The following GOLGA1 variants were observed in gnomAD, a reference collection of about 807,000 sequenced individuals.
GOLGA1 encodes golgin A1.
In GOLGA1, 63 loss-of-function variants were observed where a neutral mutation model predicts 119.7. That is an observed-to-expected ratio of 0.53 (90% confidence interval 0.43 to 0.65). GOLGA1 has a LOEUF of 0.65. Among genes scored for constraint, GOLGA1 ranks in the 30% least tolerant of loss-of-function variants. The pLI is 0.00. For synonymous variants in GOLGA1, 318 were observed against 333.4 expected (o/e 0.95, Z 0.50); for missense variants, 798 against 912.8 (o/e 0.87, Z 1.62).
chr9:124,885,885 G>C (rs1261094167), intron 19 of GOLGA1, among the ~76,000 whole-genome samples: 1 of 152,168 alleles, frequency 6.6e-6, no homozygotes, highest in East Asian at 1.9e-4. Flanking sequence ...AAACCAGTTA[G>C]AAGTCTGATA....
At chr9:124,934,501 G>A (rs1830828833) in intron 3 of GOLGA1, among the ~76,000 whole-genome samples, 1 of 152,162 alleles carries the variant, frequency 6.6e-6, no homozygotes, top group Non-Finnish European at 1.5e-5. Flanking sequence ...AGAGGAAATA[G>A]CATGTGCAAA....
At position 124,911,888 on chromosome 9, in the gene GOLGA1, G is replaced by T; in HGVS notation, c.969+13C>A. 1 of 1,609,710 alleles carries T rather than the reference G, an allele frequency of 6.2e-7. No homozygotes were observed. Among genetic ancestry groups the T allele is most frequent in the South Asian group, 1.1e-5 (1 of 90,656 alleles). ...TTTCCAACACCAGCCAGCCCAAAGA[G>T]AACAGAAGTTACCTCTTTCAGGAGT... On this transcript the variant is annotated intron_variant, in intron 11 of 22. Coordinates refer to ENST00000373555, the MANE Select transcript of GOLGA1 (RefSeq NM_002077.4).
chr9:124,886,582 G>A (rs1214494136), intron 19 of GOLGA1, among the ~76,000 whole-genome samples: 1 of 152,186 alleles, frequency 6.6e-6, no homozygotes, highest in Non-Finnish European at 1.5e-5. Context: ...AGCACGGCAG[G>A]TGAGCAGAGA....
chr9:124,923,980 T>G (rs1416825287), intron 7 of GOLGA1, among the ~76,000 whole-genome samples: 1 of 152,134 alleles, frequency 6.6e-6, no homozygotes, highest in Non-Finnish European at 1.5e-5. Flanking sequence ...CTCAGCTTCC[T>G]GAGTACCTGA....
rs1266809832 is a variant in GOLGA1, at chr9:124,889,314, G to A, written c.1601-11C>T. The stretch of plus-strand genomic sequence containing the variant: ...GGGCAGAGTTGTGACCTAGGTCGGG[G>A]AGGAGGGGAGGGGGCACTGTGAGCC... On this transcript the variant is annotated splice_polypyrimidine_tract_variant and intron_variant, in intron 17 of 22. Coordinates refer to ENST00000373555, the MANE Select transcript of GOLGA1 (RefSeq NM_002077.4). 4 of 1,612,460 alleles carry A rather than the reference G, an allele frequency of 2.5e-6. No individual in the cohort carries two copies. The South Asian group carries it at 4.4e-5, about 18-fold the overall frequency.
At position 124,881,282 on chromosome 9, in the gene GOLGA1, C is replaced by T; in HGVS notation, c.2137-25G>A. 7.0e-7 allele frequency: 1 copy of T among 1,423,274 alleles called. No individual in the cohort carries two copies. The highest frequency in any genetic ancestry group is 9.9e-7 in the Non-Finnish European group (1 of 1,005,582). The allele number at this position is 1,423,274 out of a possible 1,614,324, so 88.2% of individuals were successfully genotyped here. On this transcript the variant is annotated intron_variant, in intron 21 of 22. Coordinates refer to ENST00000373555, the MANE Select transcript of GOLGA1 (RefSeq NM_002077.4). This position sits in a 1 kb window ranked among gnomAD's most constrained non-coding sequence, Gnocchi z 4.9. Reference sequence around the variant, plus strand: ...CCTGAAACACAGTAAGTTTTGCTGCCATAGGCCTTGGTGAAGGTGAGGCGG... The same window carrying T: ...CCTGAAACACAGTAAGTTTTGCTGCTATAGGCCTTGGTGAAGGTGAGGCGG...
At chr9:124,929,015 G>C (rs1336932176) in intron 5 of GOLGA1, among the ~76,000 whole-genome samples, 3 of 152,174 alleles carry the variant, frequency 2.0e-5, no homozygotes, top group African/African-American at 7.2e-5. Flanking sequence ...ACTCCTAAGA[G>C]TCATGCCCAT....
intron 4 of GOLGA1, among the ~76,000 whole-genome samples, chr9:124,929,636 T>C (rs1276647093): frequency 6.6e-6 from 1 of 152,138 alleles, no homozygotes; most frequent in Non-Finnish European, 1.5e-5. Context: ...CCACTTCCTT[T>C]TCCGGTCTTA....
chr9:124,882,466 G>C (rs367601449), intron 20 of GOLGA1, 44 bp downstream of exon 20: 2 of 1,436,700 alleles, frequency 1.4e-6, no homozygotes, highest in Middle Eastern at 1.8e-4. Context: ...CAGGCAGCAG[G>C]GGGAGTGCTG....
intron 20 of GOLGA1, 49 bp from the exon 21 acceptor site, chr9:124,882,003 G>A: frequency 7.2e-7 from 1 of 1,385,750 alleles, no homozygotes; most frequent in South Asian, 1.4e-5. Flanking sequence ...TGAGACAGGT[G>A]GAAAAAATCA....
chr9:124,889,088 C>G lies in GOLGA1; in HGVS notation c.1761+55G>C, dbSNP rs187179502. On this transcript the variant is annotated intron_variant, in intron 18 of 22. Transcript: ENST00000373555. ...ACTGCTGCCTCCTTAGGGGCACTCT[C>G]GGCACCTGCCCTGCATCTTGCTGTA... 15 of 1,454,000 alleles carry G rather than the reference C, an allele frequency of 1.0e-5. No homozygotes were observed. The African/African-American group carries it at 2.1e-4, about 20-fold the overall frequency. 90.1% of individuals were successfully genotyped at this position (1,454,000 alleles called of 1,614,324 possible).
At chr9:124,894,734 C>A (rs1829925589) in intron 15 of GOLGA1, among the ~76,000 whole-genome samples, 1 of 152,194 alleles carries the variant, frequency 6.6e-6, no homozygotes, top group Non-Finnish European at 1.5e-5. Context: ...GCCAGCAGTG[C>A]TTTTGCCCCC....
intron 15 of GOLGA1, among the ~76,000 whole-genome samples, chr9:124,891,020 G>A (rs1371832300): frequency 2.6e-5 from 4 of 152,192 alleles, no homozygotes; most frequent in Admixed American, 1.3e-4. Context: ...GCCGAGCATG[G>A]TGTCACATGC....
intron 5 of GOLGA1, among the ~76,000 whole-genome samples, chr9:124,928,490 T>A (rs924123521): frequency 6.6e-6 from 1 of 152,208 alleles, no homozygotes; most frequent in Admixed American, 6.5e-5. Context: ...TTTGTTTCCT[T>A]ATCGTTTTTG....
chr9:124,922,505 C>T (rs1830591134), intron 8 of GOLGA1, among the ~76,000 whole-genome samples: 2 of 139,626 alleles, frequency 1.4e-5, no homozygotes, highest in Admixed American at 1.5e-4. Context: ...GGGCCATGAT[C>T]ATGCCACTGC....
chr9:124,892,767 T>C (rs1435202799), intron 15 of GOLGA1, among the ~76,000 whole-genome samples: 2 of 151,944 alleles, frequency 1.3e-5, no homozygotes, highest in African/African-American at 4.8e-5. Flanking sequence ...ACCCCATCTC[T>C]ACTGAAAACA....
intron 3 of GOLGA1, 22 bp from the exon 4 acceptor site, chr9:124,931,428 A>G (rs16927762): frequency 5.8e-6 from 7 of 1,207,762 alleles, no homozygotes; most frequent in African/African-American, 1.5e-5. Context: ...GACACAAGGA[A>G]GGTCGTATTC....
intron 10 of GOLGA1, among the ~76,000 whole-genome samples, chr9:124,914,165 G>A (rs549141854): frequency 9.8e-5 from 15 of 152,286 alleles, no homozygotes; most frequent in African/African-American, 3.4e-4. Context: ...TAATATAGCA[G>A]AAGCAGCTAT....
intron 15 of GOLGA1, among the ~76,000 whole-genome samples, chr9:124,897,228 C>A (rs1382760346): frequency 6.6e-6 from 1 of 152,198 alleles, no homozygotes; most frequent in African/African-American, 2.4e-5. Context: ...GCTGTCCTTG[C>A]CCTGCTCTAT....
Sources: gnomAD v4.1 joint callset for allele counts (sites outside exome capture counted in the v4.1 genomes callset) on GRCh38, gnomAD v4.1.1 for gene constraint, Gnocchi (gnomAD v3.1) non-coding constraint, MANE v1.5 for transcripts, NCBI Gene and HGNC (gene_info 2026-07-23, HGNC 2026-07-21) for gene names.